FCHSD2: variants seen among roughly 807,000 people sequenced by gnomAD.
FCHSD2 encodes FCH and double SH3 domains 2.
A neutral mutation model predicts 108.1 loss-of-function variants in FCHSD2; 38 were observed. The observed-to-expected ratio is 0.35, with a 90% CI of 0.27 to 0.46. FCHSD2 has a LOEUF of 0.46. FCHSD2 is among the 20% of genes least tolerant of loss of function. FCHSD2 has a pLI of 1.00. For synonymous variants in FCHSD2, 279 were observed against 314.7 expected (o/e 0.89, Z 1.20); for missense variants, 751 against 897.8 (o/e 0.84, Z 2.09).
intron 3 of FCHSD2, among the ~76,000 whole-genome samples, chr11:73,034,409 T>G (rs555282918): frequency 6.6e-6 from 1 of 152,352 alleles, no homozygotes; most frequent in South Asian, 2.1e-4. Flanking sequence ...AACGTTCCTC[T>G]TCCTGAAAGA....
intron 8 of FCHSD2, among the ~76,000 whole-genome samples, chr11:72,934,187 G>A (rs943816033): frequency 6.7e-6 from 1 of 150,216 alleles, no homozygotes; most frequent in Non-Finnish European, 1.5e-5. Context: ...AGTTTGAGAA[G>A]GGCACGTATG....
intron 5 of FCHSD2, among the ~76,000 whole-genome samples, chr11:72,994,642 T>G (rs535397222): frequency 6.6e-6 from 1 of 151,946 alleles, no homozygotes. Context: ...GGTGGGCGCC[T>G]GTAGTCCCAG....
chr11:73,039,093 T>C (rs568711460), intron 3 of FCHSD2, among the ~76,000 whole-genome samples: 2 of 152,230 alleles, frequency 1.3e-5, no homozygotes, highest in Non-Finnish European at 2.9e-5. Flanking sequence ...TTTATTTTTA[T>C]CTGCAACCAG....
intron 3 of FCHSD2, among the ~76,000 whole-genome samples, chr11:73,079,961 T>C (rs1274163315): frequency 6.6e-6 from 1 of 152,144 alleles, no homozygotes; most frequent in Admixed American, 6.5e-5. Context: ...TTATATAGGA[T>C]TGTATAAACA....
Position 72,851,519 on chromosome 11 carries a change from T to A in FCHSD2, c.1309-1630A>T, listed in dbSNP as rs149148129. On this transcript the variant is annotated intron_variant, in intron 13 of 19. Transcript: ENST00000409418. ...ACTTTGGGAGGCCGAGGTGGGCGGA[T>A]CACAAGGACAGGAGATCGAGATCAT... Among the ~76,000 whole-genome samples, 42 of 152,100 alleles carry A rather than the reference T, an allele frequency of 2.8e-4. No homozygotes were observed. The East Asian group carries it at 7.7e-3, about 28-fold the overall frequency.
chr11:72,908,227 G>A (rs1855675532), intron 9 of FCHSD2, among the ~76,000 whole-genome samples: 3 of 151,998 alleles, frequency 2.0e-5, no homozygotes, highest in Admixed American at 1.3e-4. Context: ...CTTTTTCATG[G>A]CTGAATAATA....
intron 4 of FCHSD2, among the ~76,000 whole-genome samples, chr11:73,010,168 C>T (rs1857831128): frequency 6.6e-6 from 1 of 152,062 alleles, no homozygotes; most frequent in Non-Finnish European, 1.5e-5. Flanking sequence ...TTCTCTTTTG[C>T]TTGATCTAGT....
intron 2 of FCHSD2, among the ~76,000 whole-genome samples, chr11:73,096,986 G>GGTTTTTTTTTTTTTTT (rs1400831147): frequency 5.1e-5 from 1 of 19,474 alleles, no homozygotes; most frequent in African/African-American, 2.8e-4. Flanking sequence ...TTCATTGATG[G>GGTTTTTTTTTTTTTTT]ATTTTTTTTT....
intron 10 of FCHSD2, among the ~76,000 whole-genome samples, chr11:72,901,130 G>A (rs533906106): frequency 5.9e-5 from 9 of 152,256 alleles, no homozygotes; most frequent in East Asian, 1.9e-4. Flanking sequence ...CGTGGCTCAC[G>A]TCCGTAATGC....
rs117191547 is a variant in FCHSD2 at position 72,888,712 on chromosome 11, G to A, written c.1041+1117C>T. Among the ~76,000 whole-genome samples, 878 of 150,928 alleles carry A rather than the reference G, an allele frequency of 5.8e-3. 4 individuals are homozygous for A. The highest frequency in any genetic ancestry group is 0.014 in the South Asian group (67 of 4,782). ...TACCTCAATGTAACCTCCACCTCCC[G>A]GGCTCAAGCAATTCTCCCCAACCTT... is the stretch of plus-strand genomic sequence containing the variant. On this transcript the variant is annotated intron_variant, in intron 11 of 19. Coordinates refer to ENST00000409418, the MANE Select transcript of FCHSD2 (RefSeq NM_014824.3).
At chr11:73,086,123 T>C (rs1680937297) in intron 2 of FCHSD2, among the ~76,000 whole-genome samples, 2 of 152,222 alleles carry the variant, frequency 1.3e-5, no homozygotes, top group African/African-American at 4.8e-5. Flanking sequence ...TTTTACAAGA[T>C]GAGGCTGGGC....
chr11:73,026,111 C>T (rs1350223391), intron 3 of FCHSD2, among the ~76,000 whole-genome samples: 1 of 152,044 alleles, frequency 6.6e-6, no homozygotes, highest in African/African-American at 2.4e-5. Flanking sequence ...GTAGTTGGGA[C>T]TACAGGTGTG....
chr11:73,083,671 TG>T lies in FCHSD2; in HGVS notation c.165+23del, dbSNP rs766737144. The T allele has an allele frequency of 6.0e-6, 9 of 1,491,778 alleles. No individual in the cohort carries two copies. The East Asian group carries it at 1.7e-4, about 28-fold the overall frequency. The allele number at this position is 1,491,778 out of a possible 1,614,324, so 92.4% of individuals were successfully genotyped here. On this transcript the variant is annotated intron_variant, in intron 3 of 19. Transcript: ENST00000409418. ...CCACGGAAAAGAAGTATACCTAGAA[TG>T]GGACCTCCAATTTCAAGCTTACCTG...
At chr11:72,896,984 G>A (rs1172511968) in intron 10 of FCHSD2, among the ~76,000 whole-genome samples, 4 of 151,626 alleles carry the variant, frequency 2.6e-5, no homozygotes, top group Non-Finnish European at 2.9e-5. Context: ...CCGCCACCAC[G>A]CCCGGCTAAT....
intron 2 of FCHSD2, among the ~76,000 whole-genome samples, chr11:73,131,251 T>C (rs1343609655): frequency 6.6e-6 from 1 of 151,578 alleles, no homozygotes; most frequent in Non-Finnish European, 1.5e-5. Context: ...GGCGCAGTGG[T>C]TCACGCCTGT....
intron 8 of FCHSD2, chr11:72,940,776 G>A (rs917753852): frequency 2.3e-6 from 2 of 854,040 alleles, no homozygotes; most frequent in African/African-American, 1.6e-5. Flanking sequence ...ATCAGCTAAA[G>A]TTTGCCTGAA....
chr11:72,925,592 G>T (rs1856060016), intron 8 of FCHSD2, among the ~76,000 whole-genome samples: 1 of 152,196 alleles, frequency 6.6e-6, no homozygotes, highest in Non-Finnish European at 1.5e-5. Context: ...GGAATTTGTT[G>T]CCACGGTGTA....
intron 3 of FCHSD2, among the ~76,000 whole-genome samples, chr11:73,044,754 C>T (rs1039965971): frequency 6.6e-6 from 1 of 152,094 alleles, no homozygotes; most frequent in Non-Finnish European, 1.5e-5. Context: ...AACATTCTAG[C>T]ATGTTATATA....
chr11:73,069,975 T>C (rs1859393977), intron 3 of FCHSD2, among the ~76,000 whole-genome samples: 1 of 152,086 alleles, frequency 6.6e-6, no homozygotes, highest in Admixed American at 6.5e-5. Context: ...CAAGACCAGG[T>C]AGAAAGTTAG....
Sources: allele counts gnomAD v4.1 joint callset (sites outside exome capture counted in the v4.1 genomes callset), GRCh38; gene constraint gnomAD v4.1.1; transcripts MANE v1.5; gene names NCBI Gene and HGNC (gene_info 2026-07-23, HGNC 2026-07-21).